Variants in ANK1 observed in about 807,000 individuals in gnomAD.
ANK1 encodes the protein ankyrin 1.
Under a neutral mutation model 210.4 loss-of-function variants are expected in ANK1, and 51 were observed. The ratio of observed to expected loss-of-function variants is 0.24; its 90% confidence interval spans 0.19 to 0.31. The LOEUF (loss-of-function observed/expected upper bound fraction) is 0.31. Ranked by LOEUF, ANK1 falls within the 10% of genes least tolerant of loss-of-function variation. The pLI is 1.00. For synonymous variants in ANK1, 967 were observed against 1,025.9 expected (o/e 0.94, Z 1.10); for missense variants, 2,051 against 2,504.4 (o/e 0.82, Z 3.86).
intron 42 of ANK1, chr8:41,660,507 G>T (rs150478047): frequency 4.3e-6 from 2 of 465,260 alleles, no homozygotes; most frequent in African/African-American, 4.0e-5. Context: ...AGTACAGGAT[G>T]CCCCAGGGAG....
rs1201691938 is a variant in ANK1 at position 41,694,622 on chromosome 8, G to C, written c.3297C>G (p.Ala1099=). The C allele has an allele frequency of 1.4e-5, 23 of 1,613,846 alleles. No individual in the cohort carries two copies. Among genetic ancestry groups the C allele is most frequent in the Non-Finnish European group, 1.9e-5 (23 of 1,179,972 alleles). ...PLVQATFPEN[A]VTKRVKLALQ... Reference sequence around the variant, plus strand: ...GAGCCAGCTTCACTCTCTTGGTGACGGCATTCTCCGGGAACGTTGCCTGTA... The same window carrying C: ...GAGCCAGCTTCACTCTCTTGGTGACCGCATTCTCCGGGAACGTTGCCTGTA... Residue 1099 remains alanine (A), a synonymous_variant, in exon 28 of 43, where the codon GCC becomes GCG. Transcript: ENST00000289734. This position sits in a 1 kb window ranked among gnomAD's most constrained non-coding sequence, Gnocchi z 5.7.
rs954162441 is a variant in ANK1, at chr8:41,653,693, C to G, written c.*2097G>C. 6.6e-6 allele frequency: 1 copy of G among 152,370 alleles called. No individual in the cohort carries two copies. The highest frequency in any genetic ancestry group is 2.4e-5 in the African/African-American group (1 of 41,470). The allele number at this position is 152,370 out of a possible 1,614,324, so 9.4% of individuals were successfully genotyped here. ...GGTCCCAGCCGCGCTGTGCGGCCCC[C>G]CTGCCGTGGCCCCCGGGATGGGGGA... On this transcript the variant is annotated 3_prime_UTR_variant, in exon 43 of 43. Coordinates refer to ENST00000289734, the MANE Select transcript of ANK1 (RefSeq NM_000037.4).
chr8:41,868,947 C>T (rs1814982596), intron 1 of ANK1, among the ~76,000 whole-genome samples: 1 of 152,154 alleles, frequency 6.6e-6, no homozygotes, highest in Admixed American at 6.5e-5. Context: ...AGGGTTCCAG[C>T]ACCCAGCTAA....
chr8:41,792,815 C>T (rs577989428), intron 1 of ANK1, among the ~76,000 whole-genome samples: 2 of 152,334 alleles, frequency 1.3e-5, no homozygotes, highest in East Asian at 3.9e-4. Flanking sequence ...AATTTTCAAT[C>T]GCAGGTTTGT....
At chr8:41,812,797 C>G (rs746615087) in intron 1 of ANK1, among the ~76,000 whole-genome samples, 1 of 152,104 alleles carries the variant, frequency 6.6e-6, no homozygotes, top group Non-Finnish European at 1.5e-5. Flanking sequence ...ATAAGGAGTG[C>G]GCAACCTAGA....
intron 1 of ANK1, among the ~76,000 whole-genome samples, chr8:41,817,083 CA>C (rs1296816212): frequency 1.3e-5 from 2 of 151,886 alleles, no homozygotes; most frequent in African/African-American, 4.8e-5. Flanking sequence ...TGCCAGTTTC[CA>C]AATAGTTTCT....
intron 1 of ANK1, among the ~76,000 whole-genome samples, chr8:41,838,506 C>T (rs1228295663): frequency 1.3e-5 from 2 of 152,210 alleles, no homozygotes; most frequent in Admixed American, 1.3e-4. Context: ...TGGCTCACGT[C>T]TGTAATTGCA....
chr8:41,769,977 C>CTTTTTTTTTTTTTTTTTTTTTTTTT (rs59542968), intron 1 of ANK1, among the ~76,000 whole-genome samples: 1 of 86,652 alleles, frequency 1.2e-5, no homozygotes, highest in African/African-American at 4.9e-5. Context: ...TTTCTTTTTT[C>CTTTTTTTTTTTTTTTTTTTTTTTTT]TTTTTTTTTT....
At chr8:41,887,242 C>CTTTTTTTTTTTTTTTTTTTTTTT (rs35112522) in intron 1 of ANK1, among the ~76,000 whole-genome samples, 1 of 80,712 alleles carries the variant, frequency 1.2e-5, no homozygotes, top group Non-Finnish European at 2.2e-5. Context: ...CTTTCCTTTC[C>CTTTTTTTTTTTTTTTTTTTTTTT]TTTTTTTTTT....
chr8:41,769,355 T>G (rs1013109106), intron 1 of ANK1, among the ~76,000 whole-genome samples: 2 of 152,218 alleles, frequency 1.3e-5, no homozygotes, highest in African/African-American at 4.8e-5. Context: ...TCTCGCCTTG[T>G]ACCTCTGAAA....
intron 31 of ANK1, 130 bp from the exon 32 acceptor site, chr8:41,690,729 G>T (rs957239106): frequency 7.0e-7 from 1 of 1,419,140 alleles, no homozygotes; most frequent in Admixed American, 1.8e-5. Flanking sequence ...TGTGTGCTGA[G>T]AAATCCACTG....
At chr8:41,763,898 T>C (rs1586787168) in intron 1 of ANK1, among the ~76,000 whole-genome samples, 6 of 123,632 alleles carry the variant, frequency 4.9e-5, no homozygotes, top group Non-Finnish European at 6.8e-5. Context: ...TCTTTTTTTT[T>C]TTTTTTTTTT....
Position 41,727,932 on chromosome 8 carries a change from T to G in ANK1, c.303A>C (p.Gly101=). 1 of 1,614,120 alleles carries G rather than the reference T, an allele frequency of 6.2e-7. No individual in the cohort carries two copies. The highest frequency in any genetic ancestry group is 8.5e-7 in the Non-Finnish European group (1 of 1,180,028). ...DEVVRELVNY[G]ANVNAQSQKG... is the part of the protein sequence containing the mutation. ...CCTGTGACTGGGCGTTGACGTTGGC[T>G]CCATAGTTGACAAGCTCCCGGACCA... Residue 101 remains glycine, a synonymous_variant, in exon 4 of 43, where the codon GGA becomes GGC. Transcript: ENST00000289734.
chr8:41,868,263 G>T (rs1285101161), intron 1 of ANK1, among the ~76,000 whole-genome samples: 1 of 152,234 alleles, frequency 6.6e-6, no homozygotes, highest in Non-Finnish European at 1.5e-5. Context: ...CTTGCTGTAG[G>T]GGGCCATCCT....
At chr8:41,689,178 G>C (rs951711695) in intron 33 of ANK1, among the ~76,000 whole-genome samples, 2 of 151,340 alleles carry the variant, frequency 1.3e-5, no homozygotes, top group Admixed American at 6.6e-5. Context: ...AGTGCAGTGC[G>C]ATGGCACGAT....
chr8:41,685,815 A>G (rs1289151909), intron 36 of ANK1, among the ~76,000 whole-genome samples: 3 of 152,146 alleles, frequency 2.0e-5, no homozygotes, highest in Admixed American at 6.5e-5. Flanking sequence ...TGAAAGGACT[A>G]TGTTACACAG....
At chr8:41,726,654 T>C (rs529521458) in intron 5 of ANK1, among the ~76,000 whole-genome samples, 1 of 152,252 alleles carries the variant, frequency 6.6e-6, no homozygotes, top group African/African-American at 2.4e-5. Context: ...CCCAAAGCGG[T>C]TGGATTATAG....
chr8:41,838,922 C>T (rs1808341068), intron 1 of ANK1, among the ~76,000 whole-genome samples: 1 of 151,872 alleles, frequency 6.6e-6, no homozygotes, highest in Non-Finnish European at 1.5e-5. Flanking sequence ...ACTAAAAGTA[C>T]AAAAATTAGT....
intron 1 of ANK1, among the ~76,000 whole-genome samples, chr8:41,806,997 C>T (rs562931966): frequency 1.3e-4 from 20 of 152,298 alleles, no homozygotes; most frequent in Admixed American, 4.6e-4. Flanking sequence ...AGATACTTTA[C>T]AATAATGCTA....
Sources: gnomAD v4.1 joint callset for allele counts (sites outside exome capture counted in the v4.1 genomes callset) on GRCh38, gnomAD v4.1.1 for gene constraint, Gnocchi (gnomAD v3.1) non-coding constraint, MANE v1.5 for transcripts, NCBI Gene and HGNC (gene_info 2026-07-23, HGNC 2026-07-21) for gene names.